The following PREX1 variants were observed in gnomAD, a reference collection of about 807,000 sequenced individuals.
PREX1 encodes the protein phosphatidylinositol-3,4,5-trisphosphate dependent Rac exchange factor 1.
A neutral mutation model predicts 198.3 loss-of-function variants in PREX1; 41 were observed. The observed-to-expected ratio is 0.21, with a 90% CI of 0.16 to 0.27. The LOEUF is 0.27. Among genes scored for constraint, PREX1 ranks in the 10% least tolerant of loss-of-function variants. PREX1 has a pLI of 1.00. For synonymous variants in PREX1, 843 were observed against 887.2 expected, an observed-to-expected ratio of 0.95 and a Z score of 0.89; for missense variants, 1,620 against 2,200.7, an observed-to-expected ratio of 0.74 and a Z score of 5.28.
In PREX1 at chr20:48,690,963, C is replaced by T; in HGVS notation, c.1170G>A (p.Glu390=). 6.2e-7 allele frequency: 1 copy of T among 1,614,124 alleles called. No homozygotes were observed. The highest frequency in any genetic ancestry group is 1.1e-5 in the South Asian group (1 of 91,068). ...KQKWLDAIIR[E]REQRESLKLG... The stretch of plus-strand genomic sequence containing the variant: ...GCTGCTCACTCTCGCGCTGCTCCCG[C>T]TCGCGGATGATGGCATCCAGCCACT... The change falls in exon 9 of 40, where the codon GAG becomes GAA. Residue 390 remains glutamate, a synonymous_variant. Coordinates refer to ENST00000371941, the MANE Select transcript of PREX1 (RefSeq NM_020820.4).
intron 1 of PREX1, among the ~76,000 whole-genome samples, chr20:48,766,728 A>G (rs530549978): frequency 6.6e-6 from 1 of 152,296 alleles, no homozygotes; most frequent in African/African-American, 2.4e-5. Flanking sequence ...GATTCAATTA[A>G]TAACAGGCTT....
At chr20:48,653,749 A>G (rs1170817210) in intron 19 of PREX1, among the ~76,000 whole-genome samples, 1 of 152,198 alleles carries the variant, frequency 6.6e-6, no homozygotes, top group Non-Finnish European at 1.5e-5. Flanking sequence ...ACGGGATCCG[A>G]TTCAGGCCCG....
chr20:48,782,016 G>C (rs1031358926), intron 1 of PREX1, among the ~76,000 whole-genome samples: 1 of 152,278 alleles, frequency 6.6e-6, no homozygotes, highest in African/African-American at 2.4e-5. Context: ...AAAAATCAGG[G>C]GAGCCAATGC....
intron 6 of PREX1, among the ~76,000 whole-genome samples, chr20:48,703,711 G>C (rs920456379): frequency 6.6e-6 from 1 of 152,158 alleles, no homozygotes; most frequent in African/African-American, 2.4e-5. Context: ...AGTCCGTCTC[G>C]GGGGACCTAG....
At chr20:48,630,375 T>C (rs1265689740) in intron 36 of PREX1, among the ~76,000 whole-genome samples, 6 of 152,246 alleles carry the variant, frequency 3.9e-5, no homozygotes, top group Admixed American at 6.5e-5. Flanking sequence ...TGGGAAATCT[T>C]TTGATTTCTA....
At chr20:48,679,033 G>A (rs367811137) in intron 13 of PREX1, among the ~76,000 whole-genome samples, 1 of 152,198 alleles carries the variant, frequency 6.6e-6, no homozygotes, top group Non-Finnish European at 1.5e-5. Context: ...CTAAGGTGGA[G>A]CCCATTATTA....
intron 6 of PREX1, among the ~76,000 whole-genome samples, chr20:48,701,510 G>A (rs73326995): frequency 0.014 from 2,094 of 152,110 alleles, 40 homozygotes; most frequent in African/African-American, 0.047. Context: ...CACCACGCCT[G>A]GCCTCGTTCA....
rs372393880 is a variant in PREX1 at position 48,636,439 on chromosome 20, C to T, written c.4167+24G>A. The T allele has an allele frequency of 9.6e-5, 152 of 1,576,248 alleles. No homozygotes were observed. The African/African-American group carries it at 1.8e-3, about 18-fold the overall frequency. On this transcript the variant is annotated intron_variant, in intron 32 of 39. Transcript: ENST00000371941. ...GCACCAGTGGGTGGGCCAGCGGGGC[C>T]GCCCTCCCGCCCCACTCACTCACCA...
At chr20:48,675,937 T>C (rs1003316089) in intron 14 of PREX1, among the ~76,000 whole-genome samples, 1 of 151,452 alleles carries the variant, frequency 6.6e-6, no homozygotes, top group African/African-American at 2.4e-5. Flanking sequence ...CTTGGGAGGC[T>C]GAGGCAGGAG....
intron 3 of PREX1, among the ~76,000 whole-genome samples, chr20:48,739,062 T>C (rs184636322): frequency 6.6e-6 from 1 of 152,272 alleles, no homozygotes; most frequent in Admixed American, 6.5e-5. Context: ...CAGAATAAGA[T>C]CTACAGTCCT....
chr20:48,854,365 C>T, the PREX1 span, among the ~76,000 whole-genome samples: 1 of 151,934 alleles, frequency 6.6e-6, no homozygotes, highest in Non-Finnish European at 1.5e-5. Context: ...GTGTGTCTGA[C>T]AGAGGGAGGG....
At chr20:48,767,096 C>T (rs1355538583) in intron 1 of PREX1, among the ~76,000 whole-genome samples, 1 of 152,192 alleles carries the variant, frequency 6.6e-6, no homozygotes, top group African/African-American at 2.4e-5. Flanking sequence ...GAAAGCTGCT[C>T]CCACACTCTG....
Position 48,791,300 on chromosome 20 carries a change from T to G in PREX1, c.219+36342A>C, listed in dbSNP as rs1034585304. The stretch of plus-strand genomic sequence containing the variant: ...TGCACGTCTGTGCATTTGTGTGTAA[T>G]AATAACGGTGGCTGACATGACTGAG... On this transcript the variant is annotated intron_variant, in intron 1 of 39. Coordinates refer to ENST00000371941, the MANE Select transcript of PREX1 (RefSeq NM_020820.4). Among the ~76,000 whole-genome samples the G allele has an allele frequency of 5.9e-5, 9 of 152,212 alleles. No homozygotes were observed. The East Asian group carries it at 1.7e-3, about 29-fold the overall frequency.
chr20:48,853,870 G>A, the PREX1 span, among the ~76,000 whole-genome samples: 1 of 151,444 alleles, frequency 6.6e-6, no homozygotes, highest in Non-Finnish European at 1.5e-5. Flanking sequence ...ACCTTGGGTG[G>A]TGAGAAAACT....
At chr20:48,702,149 A>C (rs940480570) in intron 6 of PREX1, among the ~76,000 whole-genome samples, 48 of 150,988 alleles carry the variant, frequency 3.2e-4, no homozygotes, top group African/African-American at 1.2e-3. Flanking sequence ...CAAAGGTTGC[A>C]GTGAGCTGAG....
intron 22 of PREX1, 40 bp downstream of exon 22, chr20:48,651,356 C>A: frequency 6.5e-7 from 1 of 1,540,062 alleles, no homozygotes; most frequent in Admixed American, 2.0e-5. Flanking sequence ...TGGCTTCAAT[C>A]CCCCAGGGTA....
At chr20:48,703,032 C>A (rs1175602183) in intron 6 of PREX1, among the ~76,000 whole-genome samples, 1 of 152,222 alleles carries the variant, frequency 6.6e-6, no homozygotes, top group Non-Finnish European at 1.5e-5. Flanking sequence ...CTTCCCCAAA[C>A]AGTCAACACC....
chr20:48,684,493 C>T lies in PREX1; in HGVS notation c.1335-3158G>A, dbSNP rs2089772892. ...GGTGGCCAAGACACCAAGGCCCCTT[C>T]CACCTTGGAGCTTTCCCTCTGGCAG... On this transcript the variant is annotated intron_variant, in intron 10 of 39. Transcript: ENST00000371941. This position sits in a 1 kb window ranked among gnomAD's most constrained non-coding sequence, Gnocchi z 4.2. 6.6e-6 allele frequency among the ~76,000 whole-genome samples: 1 copy of T among 152,236 alleles called. No homozygotes were observed. The highest frequency in any genetic ancestry group is 2.1e-4 in the South Asian group (1 of 4,838).
chr20:48,636,293 C>T (rs926083657), intron 32 of PREX1, among the ~76,000 whole-genome samples, 170 bp downstream of exon 32: 3 of 152,252 alleles, frequency 2.0e-5, no homozygotes, highest in African/African-American at 7.2e-5. Context: ...TTGTTCACTG[C>T]TGGACCTTCA....
Sources: gnomAD v4.1 joint callset for allele counts (sites outside exome capture counted in the v4.1 genomes callset) on GRCh38, gnomAD v4.1.1 for gene constraint, Gnocchi (gnomAD v3.1) non-coding constraint, MANE v1.5 for transcripts, NCBI Gene and HGNC (gene_info 2026-07-23, HGNC 2026-07-21) for gene names.